The following ZNF138 variants were observed in gnomAD, a reference collection of about 807,000 sequenced individuals.
ZNF138 encodes the protein zinc finger protein 138.
A neutral mutation model predicts 33.0 loss-of-function variants in ZNF138; 33 were observed. The ratio of observed to expected loss-of-function variants is 1.00; its 90% confidence interval spans 0.76 to 1.34. ZNF138 has a LOEUF of 1.34. Among genes scored for constraint, ZNF138 ranks in the 40% most tolerant of loss-of-function variants. The probability of loss-of-function intolerance (pLI) is 0.00; values close to 1 mark genes in which losing one functional copy is unlikely to be tolerated. For synonymous variants in ZNF138, 139 were observed against 120.4 expected (o/e 1.15, Z -1.01); for missense variants, 360 against 370.8 (o/e 0.97, Z 0.24).
chr7:64,805,861 T>C (rs1217711774), intron 1 of ZNF138, among the ~76,000 whole-genome samples: 1 of 152,236 alleles, frequency 6.6e-6, no homozygotes, highest in Admixed American at 6.5e-5. Flanking sequence ...TTAACACACA[T>C]GGATGGCCTC....
intron 3 of ZNF138, among the ~76,000 whole-genome samples, chr7:64,827,948 A>C (rs1450172770): frequency 6.6e-6 from 1 of 152,190 alleles, no homozygotes; most frequent in Non-Finnish European, 1.5e-5. Context: ...AATATGAACC[A>C]TATGTCTACT....
At chr7:64,847,072 C>T in the ZNF138 span, among the ~76,000 whole-genome samples, 2 of 151,912 alleles carry the variant, frequency 1.3e-5, no homozygotes, top group Non-Finnish European at 2.9e-5. Context: ...TTATTGACTC[C>T]ACATGTTAAA....
intron 3 of ZNF138, among the ~76,000 whole-genome samples, chr7:64,819,329 T>G (rs1788924075): frequency 6.6e-6 from 1 of 151,042 alleles, no homozygotes; most frequent in South Asian, 2.1e-4. Context: ...TTTCCTTGTG[T>G]GAGAGAAACA....
At chr7:64,810,906 A>G (rs1228417437) in intron 1 of ZNF138, among the ~76,000 whole-genome samples, 1 of 152,244 alleles carries the variant, frequency 6.6e-6, no homozygotes, top group African/African-American at 2.4e-5. Flanking sequence ...TGGAAAAAAT[A>G]AAGTATGTAT....
chr7:64,853,226 T>G, the ZNF138 span: 1 of 1,606,478 alleles, frequency 6.2e-7, no homozygotes. Flanking sequence ...TCTGTAAAGA[T>G]TCCAGCAATT....
chr7:64,859,882 T>C, the ZNF138 span, among the ~76,000 whole-genome samples: 17 of 152,240 alleles, frequency 1.1e-4, no homozygotes, highest in Non-Finnish European at 2.1e-4. Flanking sequence ...CTCACGCCTG[T>C]AATCCCAGCA....
chr7:64,808,518 TG>T (rs1254306800), intron 1 of ZNF138, among the ~76,000 whole-genome samples: 10 of 152,236 alleles, frequency 6.6e-5, no homozygotes, highest in Admixed American at 6.5e-5. Context: ...TTTATATTTT[TG>T]TAACTTACGA....
At chr7:64,812,661 A>G (rs182338324) in intron 1 of ZNF138, among the ~76,000 whole-genome samples, 1 of 152,274 alleles carries the variant, frequency 6.6e-6, no homozygotes, top group East Asian at 1.9e-4. Flanking sequence ...TCTGTTATAA[A>G]GGAAAGAAAT....
rs1264193403 is a variant in ZNF138, at chr7:64,832,795, T to C, written c.*593T>C. ...AAAGGTTTTAGCCAACTCTCAAACC[T>C]TACTAAACACAAGAAGATTCATACT... On this transcript the variant is annotated 3_prime_UTR_variant, in exon 4 of 4. Transcript: ENST00000307355. 4.5e-6 allele frequency: 2 copies of C among 448,522 alleles called. No individual in the cohort carries two copies. Among genetic ancestry groups the C allele is most frequent in the Non-Finnish European group, 9.0e-6 (2 of 223,110 alleles). The allele number at this position is 448,522 out of a possible 1,614,324, so 27.8% of individuals were successfully genotyped here.
At chr7:64,858,217 A>G in the ZNF138 span, among the ~76,000 whole-genome samples, 5 of 152,188 alleles carry the variant, frequency 3.3e-5, no homozygotes, top group Non-Finnish European at 4.4e-5. Flanking sequence ...GGTTTTATTT[A>G]TTGCTGAGAA....
intron 1 of ZNF138, among the ~76,000 whole-genome samples, chr7:64,806,122 TATAATATA>T (rs1787575771): frequency 1.3e-5 from 2 of 152,322 alleles, no homozygotes; most frequent in South Asian, 4.1e-4. Context: ...AATAACCACA[TATAATATA>T]AACATACAGG....
At chr7:64,831,310 T>C in intron 3 of ZNF138, 141 bp from the exon 4 acceptor site, 1 of 927,772 alleles carries the variant, frequency 1.1e-6, no homozygotes, top group Non-Finnish European at 1.6e-6. Flanking sequence ...CATTTATATG[T>C]CTATAAAGGA....
At chr7:64,837,625 G>T (rs1008264719), downstream of ZNF138, among the ~76,000 whole-genome samples, 38 of 152,198 alleles carry the variant, frequency 2.5e-4, no homozygotes, top group African/African-American at 9.2e-4. Context: ...AATTTGATTA[G>T]GTGTTGTTTG....
intron 3 of ZNF138, among the ~76,000 whole-genome samples, chr7:64,816,001 T>C (rs992386695): frequency 2.0e-5 from 3 of 152,218 alleles, no homozygotes; most frequent in Non-Finnish European, 2.9e-5. Flanking sequence ...TATTTTAAGT[T>C]CTCTTTTTGC....
chr7:64,832,581 T>A lies in ZNF138; in HGVS notation c.*379T>A. 1.8e-6 allele frequency: 1 copy of A among 556,378 alleles called. No individual in the cohort carries two copies. 34.5% of individuals were successfully genotyped at this position (556,378 alleles called of 1,614,324 possible). ...GATAATTCACAGTGGAGAAAAACCC[T>A]ACAAATGTGAAGAATGTGGCAAAGC... On this transcript the variant is annotated 3_prime_UTR_variant, in exon 4 of 4. Coordinates refer to ENST00000307355, the MANE Select transcript of ZNF138 (RefSeq NM_001271639.2).
At chr7:64,831,327 A>AC (rs1453879207) in intron 3 of ZNF138, 124 bp from the exon 4 acceptor site, 4 of 973,708 alleles carry the variant, frequency 4.1e-6, no homozygotes, top group Non-Finnish European at 6.1e-6. Context: ...AGGAATTAGA[A>AC]CCTGTGGTAT....
At chr7:64,844,669 GTTTTTTT>G in the ZNF138 span, among the ~76,000 whole-genome samples, 3 of 77,032 alleles carry the variant, frequency 3.9e-5, no homozygotes, top group East Asian at 2.2e-4. Context: ...AGTTTTATGT[GTTTTTTT>G]GTTTTGTTTT....
At chr7:64,809,483 GGCGGGGGGCT>G (rs1787922151) in intron 1 of ZNF138, among the ~76,000 whole-genome samples, 1 of 2,758 alleles carries the variant, frequency 3.6e-4, no homozygotes, top group African/African-American at 4.3e-4. Flanking sequence ...CGGCTGGCCG[GGCGGGGGGCT>G]GACCCCCCCC....
At chr7:64,797,716 T>C (rs1786803278) in intron 1 of ZNF138, among the ~76,000 whole-genome samples, 1 of 152,188 alleles carries the variant, frequency 6.6e-6, no homozygotes, top group South Asian at 2.1e-4. Flanking sequence ...GAAGTTGTTA[T>C]TGTTTTGAGG....
Sources: gnomAD v4.1 joint callset for allele counts (sites outside exome capture counted in the v4.1 genomes callset) on GRCh38, gnomAD v4.1.1 for gene constraint, MANE v1.5 for transcripts, NCBI Gene and HGNC (gene_info 2026-07-23, HGNC 2026-07-21) for gene names.